Variants in ANKS1A observed in about 807,000 individuals in gnomAD.
The protein encoded by ANKS1A is ankyrin repeat and SAM domain-containing protein 1A.
Under a neutral mutation model 120.3 loss-of-function variants are expected in ANKS1A, and 55 were observed. The ratio of observed to expected loss-of-function variants is 0.46; its 90% CI spans 0.37 to 0.57. ANKS1A has a LOEUF of 0.57. Ranked by LOEUF, ANKS1A falls within the 20% of genes least tolerant of loss-of-function variation. The pLI is 0.00. For missense variants in ANKS1A, 1,123 were observed against 1,480.3 expected (o/e 0.76, Z 3.96); for synonymous variants, 590 against 604.7 (o/e 0.98, Z 0.36).
At chr6:34,968,175 A>C (rs767132913) in intron 2 of ANKS1A, among the ~76,000 whole-genome samples, 6 of 152,124 alleles carry the variant, frequency 3.9e-5, no homozygotes, top group Non-Finnish European at 8.8e-5. Context: ...AGTATAGAGA[A>C]GTTATTAGGA....
At chr6:34,954,570 G>A (rs567843340) in intron 1 of ANKS1A, among the ~76,000 whole-genome samples, 2 of 152,330 alleles carry the variant, frequency 1.3e-5, no homozygotes, top group African/African-American at 4.8e-5. Flanking sequence ...CTTGTGTCAC[G>A]TGTGCAATTA....
At chr6:35,083,705 G>T (rs561036975) in intron 20 of ANKS1A, among the ~76,000 whole-genome samples, 1 of 152,178 alleles carries the variant, frequency 6.6e-6, no homozygotes, top group Admixed American at 6.5e-5. Flanking sequence ...CCCCGTCCCC[G>T]CCCTAGTGAT....
At position 34,985,039 on chromosome 6, in the gene ANKS1A, T is replaced by G. The variant is rs372386981; in HGVS notation, c.1013-43T>G. 9 of 1,573,702 alleles carry G rather than the reference T, an allele frequency of 5.7e-6. No homozygotes were observed. The African/African-American group carries it at 1.2e-4, about 21-fold the overall frequency. On this transcript the variant is annotated intron_variant, in intron 7 of 23. Transcript: ENST00000360359. ...CTGCAGTGGTTGGAACCTGAGATTC[T>G]GCTCCCCTTCAGTGACTCTCTTGCC... is the stretch of plus-strand genomic sequence containing the variant.
chr6:34,993,405 A>G (rs1313670680), intron 9 of ANKS1A, among the ~76,000 whole-genome samples: 1 of 152,220 alleles, frequency 6.6e-6, no homozygotes, highest in African/African-American at 2.4e-5. Context: ...TGCCAGGTGT[A>G]GGAGCCAGCT....
At chr6:34,976,722 G>A (rs1771608661) in intron 3 of ANKS1A, among the ~76,000 whole-genome samples, 1 of 151,554 alleles carries the variant, frequency 6.6e-6, no homozygotes, top group South Asian at 2.1e-4. Context: ...CACTCTTCTT[G>A]ATACTACAGT....
chr6:34,977,019 T>G (rs1397397626), intron 3 of ANKS1A, among the ~76,000 whole-genome samples: 1 of 152,224 alleles, frequency 6.6e-6, no homozygotes, highest in East Asian at 1.9e-4. Context: ...TGTTCAAGTT[T>G]TACCAGTTGT....
At chr6:34,890,292 A>G (rs1234552505) in intron 1 of ANKS1A, among the ~76,000 whole-genome samples, 1 of 152,090 alleles carries the variant, frequency 6.6e-6, no homozygotes, top group Non-Finnish European at 1.5e-5. Flanking sequence ...GGGTTTCACC[A>G]TATTGGCCAG....
intron 12 of ANKS1A, among the ~76,000 whole-genome samples, chr6:35,055,772 C>G (rs1014476403): frequency 2.0e-5 from 3 of 152,338 alleles, no homozygotes; most frequent in Non-Finnish European, 4.4e-5. Flanking sequence ...CAATGTTTCC[C>G]TGGGTGCTAG....
At chr6:34,965,461 C>A (rs1484043719) in intron 1 of ANKS1A, among the ~76,000 whole-genome samples, 3 of 151,670 alleles carry the variant, frequency 2.0e-5, no homozygotes, top group Non-Finnish European at 4.4e-5. Context: ...AAGCAATTCT[C>A]CTGTCTCAGC....
intron 13 of ANKS1A, among the ~76,000 whole-genome samples, chr6:35,068,628 C>T (rs952463668): frequency 6.6e-6 from 1 of 152,200 alleles, no homozygotes; most frequent in Non-Finnish European, 1.5e-5. Context: ...TTAGGAGGGT[C>T]CCTTCCCACA....
chr6:34,929,190 T>C (rs1329894700), intron 1 of ANKS1A, among the ~76,000 whole-genome samples: 1 of 152,248 alleles, frequency 6.6e-6, no homozygotes, highest in African/African-American at 2.4e-5. Flanking sequence ...AAGTAAGGAA[T>C]GAGTACTGTT....
At chr6:35,036,583 A>G (rs1259412832) in intron 11 of ANKS1A, among the ~76,000 whole-genome samples, 3 of 152,254 alleles carry the variant, frequency 2.0e-5, no homozygotes, top group African/African-American at 7.2e-5. Flanking sequence ...AGATTTGTTT[A>G]ACAGTTATGT....
intron 3 of ANKS1A, among the ~76,000 whole-genome samples, chr6:34,979,158 G>A (rs1328978755): frequency 6.6e-6 from 1 of 152,130 alleles, no homozygotes; most frequent in Admixed American, 6.5e-5. Flanking sequence ...GCCTTCCAAA[G>A]TGCTAGGATT....
rs1431197257 is a variant in ANKS1A, at chr6:35,058,883, G to A, written c.2078-1264G>A. ...CACCACCAAAATCCCCATGCTGATC[G>A]AGGAGCAAATAGATGTCCTCCCTTC... On this transcript the variant is annotated intron_variant, in intron 12 of 23. Coordinates refer to ENST00000360359, the MANE Select transcript of ANKS1A (RefSeq NM_015245.3). The surrounding 1 kb of genome is among the most constrained non-coding windows in gnomAD (Gnocchi z 5.1). Among the ~76,000 whole-genome samples the A allele has an allele frequency of 3.3e-5, 5 of 152,178 alleles. No individual in the cohort carries two copies. The highest frequency in any genetic ancestry group is 1.9e-4 in the East Asian group (1 of 5,196).
intron 11 of ANKS1A, among the ~76,000 whole-genome samples, chr6:35,038,659 GT>G (rs1161275485): frequency 6.6e-5 from 10 of 151,538 alleles, no homozygotes; most frequent in East Asian, 5.8e-4. Context: ...TTTTGTTTTT[GT>G]TTTTTTGTAG....
chr6:34,967,166 A>C (rs1770930953), intron 1 of ANKS1A, 73 bp from the exon 2 acceptor site: 4 of 1,429,880 alleles, frequency 2.8e-6, no homozygotes, highest in African/African-American at 1.4e-5. Flanking sequence ...CTAATTAGCT[A>C]GCTATCTCTA....
intron 10 of ANKS1A, among the ~76,000 whole-genome samples, chr6:35,008,001 G>A (rs190693589): frequency 8.5e-5 from 13 of 152,218 alleles, no homozygotes; most frequent in South Asian, 2.1e-4. Flanking sequence ...GTGTGCTTCC[G>A]TCTGTAGTCC....
intron 10 of ANKS1A, among the ~76,000 whole-genome samples, chr6:34,998,674 G>A (rs943127084): frequency 6.6e-5 from 10 of 152,024 alleles, no homozygotes; most frequent in Admixed American, 3.3e-4. Context: ...CCTCTCACAC[G>A]GACCCCCCTT....
At chr6:34,891,550 C>G (rs1036315719) in intron 1 of ANKS1A, among the ~76,000 whole-genome samples, 2 of 152,172 alleles carry the variant, frequency 1.3e-5, no homozygotes, top group African/African-American at 4.8e-5. Context: ...GGAGATTTTC[C>G]AGAGATATCT....
Sources: gnomAD v4.1 joint callset for allele counts (sites outside exome capture counted in the v4.1 genomes callset) on GRCh38, gnomAD v4.1.1 for gene constraint, Gnocchi (gnomAD v3.1) non-coding constraint, MANE v1.5 for transcripts, NCBI Gene and HGNC (gene_info 2026-07-23, HGNC 2026-07-21) for gene names.